Variants in STRN3 observed in about 807,000 individuals in gnomAD.
STRN3 encodes the protein striatin 3, also known as striatin-3.
A neutral mutation model predicts 95.6 loss-of-function variants in STRN3; 29 were observed. That is an observed-to-expected ratio of 0.30 (90% CI 0.23 to 0.41). STRN3 has a LOEUF of 0.41. Among genes scored for constraint, STRN3 ranks in the 10% least tolerant of loss-of-function variants. The pLI is 1.00. For missense variants in STRN3, 890 were observed against 972.1 expected, an observed-to-expected ratio of 0.92 and a Z score of 1.12; for synonymous variants, 331 against 357.6, an observed-to-expected ratio of 0.93 and a Z score of 0.84.
chr14:31,018,793 C>G (rs1343823741), intron 1 of STRN3: 3 of 463,718 alleles, frequency 6.5e-6, no homozygotes, highest in African/African-American at 2.0e-5. Context: ...AGCTCAACAA[C>G]TTCAGAACTC....
In STRN3 at chr14:30,933,111, C is replaced by CA. The variant is rs779512973; in HGVS notation, c.988+2051dup. ...GCAACATGGCCAAACTCCGTCTCTACAAAAAAAAAAAATGCAAAAATTAGC... is the reference window on the plus strand; with the variant it reads ...GCAACATGGCCAAACTCCGTCTCTACAAAAAAAAAAAAATGCAAAAATTAGC... On this transcript the variant is annotated intron_variant, in intron 7 of 17. Transcript: ENST00000357479. Among the ~76,000 whole-genome samples, 1,029 of 132,892 alleles carry CA rather than the reference C, an allele frequency of 7.7e-3. 9 individuals carry two copies. The highest frequency in any genetic ancestry group is 0.023 in the African/African-American group (838 of 36,216). The allele number at this position is 132,892 out of a possible 152,430, so 87.2% of individuals were successfully genotyped here.
At chr14:30,989,773 T>C (rs1445302396) in intron 1 of STRN3, among the ~76,000 whole-genome samples, 1 of 151,958 alleles carries the variant, frequency 6.6e-6, no homozygotes, top group East Asian at 1.9e-4. Flanking sequence ...ACAGGATTTA[T>C]AGCCAGACGG....
chr14:30,985,671 C>T (rs1230244136), intron 1 of STRN3, among the ~76,000 whole-genome samples: 1 of 151,584 alleles, frequency 6.6e-6, no homozygotes, highest in East Asian at 1.9e-4. Context: ...GAAAATATAC[C>T]ATTAAGAAGA....
At chr14:30,974,464 A>C (rs1203077310) in intron 1 of STRN3, among the ~76,000 whole-genome samples, 1 of 152,184 alleles carries the variant, frequency 6.6e-6, no homozygotes, top group Non-Finnish European at 1.5e-5. Context: ...ATAAGACTTA[A>C]TACTATTAAA....
chr14:31,014,070 A>T (rs937402315), intron 1 of STRN3, among the ~76,000 whole-genome samples: 4 of 151,626 alleles, frequency 2.6e-5, no homozygotes, highest in Non-Finnish European at 5.9e-5. Flanking sequence ...TGTCCAGCTA[A>T]TTTTTTAAAT....
chr14:31,023,438 G>A (rs1018450786), intron 1 of STRN3, among the ~76,000 whole-genome samples: 8 of 152,094 alleles, frequency 5.3e-5, no homozygotes, highest in Non-Finnish European at 7.4e-5. Flanking sequence ...GAATCATACT[G>A]TAAAGTTCCT....
intron 1 of STRN3, among the ~76,000 whole-genome samples, chr14:31,000,656 TA>T (rs992943582): frequency 6.6e-6 from 1 of 152,184 alleles, no homozygotes; most frequent in African/African-American, 2.4e-5. Context: ...CCTGTTTAAA[TA>T]ATAATGTTAC....
intron 1 of STRN3, among the ~76,000 whole-genome samples, chr14:31,011,174 A>G (rs1183569093): frequency 6.6e-6 from 1 of 152,230 alleles, no homozygotes; most frequent in Non-Finnish European, 1.5e-5. Context: ...AGGGCTTGAC[A>G]AAGAGTATTA....
chr14:31,013,883 T>TTGAGACAG, intron 1 of STRN3, among the ~76,000 whole-genome samples: 1 of 110,722 alleles, frequency 9.0e-6, no homozygotes, highest in Middle Eastern at 5.5e-3. Context: ...TTATTATTAT[T>TTGAGACAG]ATTATTATTA....
At chr14:31,012,694 C>A (rs983778939) in intron 1 of STRN3, among the ~76,000 whole-genome samples, 2 of 152,054 alleles carry the variant, frequency 1.3e-5, no homozygotes, top group African/African-American at 2.4e-5. Flanking sequence ...CAGTTAGAGA[C>A]CAGCCTGAGC....
intron 1 of STRN3, among the ~76,000 whole-genome samples, chr14:30,981,352 T>C (rs1881388704): frequency 6.6e-6 from 1 of 152,236 alleles, no homozygotes; most frequent in Middle Eastern, 3.4e-3. Context: ...TTAAGAAATG[T>C]TGGCACCCAC....
At chr14:30,985,930 C>T (rs956629875) in intron 1 of STRN3, among the ~76,000 whole-genome samples, 2 of 152,004 alleles carry the variant, frequency 1.3e-5, no homozygotes, top group African/African-American at 2.4e-5. Flanking sequence ...CTCCCACACA[C>T]CCCCCTCAGC....
At chr14:31,009,352 G>A (rs1266107002) in intron 1 of STRN3, among the ~76,000 whole-genome samples, 3 of 151,988 alleles carry the variant, frequency 2.0e-5, no homozygotes, top group African/African-American at 4.8e-5. Context: ...GGGCTGTCCC[G>A]TGCGTGTTTA....
intron 1 of STRN3, among the ~76,000 whole-genome samples, chr14:30,960,868 CAAAAAA>C (rs56227331): frequency 4.2e-5 from 2 of 47,638 alleles, no homozygotes; most frequent in Non-Finnish European, 8.3e-5. Context: ...GACTCCATCT[CAAAAAA>C]AAAAAAAAAA....
At chr14:31,009,157 A>G (rs1882850787) in intron 1 of STRN3, among the ~76,000 whole-genome samples, 1 of 152,216 alleles carries the variant, frequency 6.6e-6, no homozygotes, top group Non-Finnish European at 1.5e-5. Context: ...TTTCTTTTGT[A>G]TCGATATATA....
At position 30,990,750 on chromosome 14, in the gene STRN3, C is replaced by G. The variant is rs541472587; in HGVS notation, c.283-34508G>C. Among the ~76,000 whole-genome samples the G allele has an allele frequency of 4.6e-5, 7 of 152,236 alleles. 1 individual carries two copies. The South Asian group carries it at 1.2e-3, about 27-fold the overall frequency. On this transcript the variant is annotated intron_variant, in intron 1 of 17. Coordinates refer to ENST00000357479, the MANE Select transcript of STRN3 (RefSeq NM_001083893.2). ...AAAATGGTGTAGTATTTGCATATAA[C>G]CTATGCATATCCTCCCATATACTTT...
At chr14:31,000,799 T>A (rs993987319) in intron 1 of STRN3, among the ~76,000 whole-genome samples, 4 of 151,640 alleles carry the variant, frequency 2.6e-5, no homozygotes, top group Admixed American at 1.3e-4. Context: ...ATTTTATTTA[T>A]AGTGGCTGGC....
At position 30,894,614 on chromosome 14, in the gene STRN3, G is replaced by A. The variant is rs1463782695; in HGVS notation, c.*797C>T. The A allele has an allele frequency of 6.5e-6, 1 of 154,970 alleles. No homozygotes were observed. The allele number at this position is 154,970 out of a possible 1,614,324, so 9.6% of individuals were successfully genotyped here. A position where few individuals can be genotyped will look rare whatever the true frequency, so the allele number is the denominator to read the frequency against. On this transcript the variant is annotated 3_prime_UTR_variant, in exon 18 of 18. Coordinates refer to ENST00000357479, the MANE Select transcript of STRN3 (RefSeq NM_001083893.2). Reference sequence around the variant, plus strand: ...ATTTTAATACACTTAATAGTCCTTGGTTTATGAAGACATTTATGTGATGAT... The same window carrying A: ...ATTTTAATACACTTAATAGTCCTTGATTTATGAAGACATTTATGTGATGAT...
At chr14:30,911,752 T>A (rs562206578) in intron 12 of STRN3, 25 bp downstream of exon 12, 2 of 1,583,004 alleles carry the variant, frequency 1.3e-6, no homozygotes, top group South Asian at 2.3e-5. Flanking sequence ...TGATGTTAAT[T>A]AAATACCAAT....
Sources: allele counts gnomAD v4.1 joint callset (sites outside exome capture counted in the v4.1 genomes callset), GRCh38; gene constraint gnomAD v4.1.1; transcripts MANE v1.5; gene names NCBI Gene and HGNC (gene_info 2026-07-23, HGNC 2026-07-21).